AARS2: variants seen among roughly 807,000 people sequenced by gnomAD.
AARS2 encodes the protein alanine--tRNA ligase, mitochondrial.
AARS2 carries 78 observed loss-of-function variants against 119.7 expected under a neutral mutation model. That is an observed-to-expected ratio of 0.65 (90% CI 0.54 to 0.79). The LOEUF (loss-of-function observed/expected upper bound fraction) is 0.79, where lower values mean the gene tolerates loss of function less well. Among genes scored for constraint, AARS2 ranks in the 30% least tolerant of loss-of-function variants. The pLI, the probability that AARS2 is intolerant of heterozygous loss-of-function variation, is 0.00. For synonymous variants in AARS2, 502 were observed against 526.3 expected (o/e 0.95, Z 0.63); for missense variants, 1,157 against 1,291.3 (o/e 0.90, Z 1.59).
intron 19 of AARS2, 44 bp from the exon 20 acceptor site, chr6:44,301,508 A>G (rs1234309596): frequency 6.4e-7 from 1 of 1,567,406 alleles, no homozygotes; most frequent in East Asian, 2.2e-5. Flanking sequence ...GCTGAGAGGC[A>G]GGTTTCCAAT....
In AARS2 at chr6:44,304,200, C is replaced by T. The variant is rs770129224; in HGVS notation, c.1988G>A (p.Arg663His). The change falls in exon 14 of 22, where the codon CGC becomes CAC. Residue 663 changes from arginine (R) to histidine (H), a missense_variant. Coordinates refer to ENST00000244571, the MANE Select transcript of AARS2 (RefSeq NM_020745.4). ...QGSHLNPEQL[R>H]LDVTTQTPLT... ...GCTCACCTGGGTGGTCACATCCAAG[C>T]GCAGCTGCTCAGGATTGAGATGGGA... The T allele has an allele frequency of 1.1e-5, 17 of 1,613,720 alleles. No individual in the cohort carries two copies. The highest frequency in any genetic ancestry group is 8.0e-5 in the African/African-American group (6 of 74,920).
chr6:44,302,574 A>G (rs1435340903), intron 17 of AARS2, 61 bp from the exon 18 acceptor site: 2 of 1,609,562 alleles, frequency 1.2e-6, no homozygotes, highest in East Asian at 2.2e-5. Flanking sequence ...AGGCCTCTCA[A>G]CTCATTACTG....
Position 44,302,378 on chromosome 6 carries a change from G to C in AARS2, c.2487+13C>G. The C allele has an allele frequency of 6.2e-7, 1 of 1,614,060 alleles. No individual in the cohort carries two copies. Among genetic ancestry groups the C allele is most frequent in the Non-Finnish European group, 8.5e-7 (1 of 1,180,028 alleles). ...GGGCTAGGAGAGGGTGGGGTGGTAGGCGTGGCCCTCACTTCAATGAGTCGT... is the reference window on the plus strand; with the variant it reads ...GGGCTAGGAGAGGGTGGGGTGGTAGCCGTGGCCCTCACTTCAATGAGTCGT... On this transcript the variant is annotated intron_variant, in intron 18 of 21. Transcript: ENST00000244571.
At position 44,305,042 on chromosome 6, in the gene AARS2, C is replaced by G. The variant is rs1381441137; in HGVS notation, c.1579+12G>C. 6.2e-7 allele frequency: 1 copy of G among 1,613,980 alleles called. No individual in the cohort carries two copies. The highest frequency in any genetic ancestry group is 8.5e-7 in the Non-Finnish European group (1 of 1,180,032). On this transcript the variant is annotated intron_variant, in intron 11 of 21. Coordinates refer to ENST00000244571, the MANE Select transcript of AARS2 (RefSeq NM_020745.4). The surrounding 1 kb of genome is among the most constrained non-coding windows in gnomAD (Gnocchi z 4.6). ...CAAGCTTGTGGCGGCAGGCCTTGGT[C>G]CAGGCTCTCACCATAACTTCCGCTG...
intron 14 of AARS2, 124 bp from the exon 15 acceptor site, chr6:44,303,547 A>C: frequency 2.8e-6 from 4 of 1,405,996 alleles, no homozygotes; most frequent in Admixed American, 1.7e-5. Context: ...TGGCTAGCAC[A>C]TAATAGGTGC....
In AARS2 at chr6:44,311,038, G is replaced by C. The variant is rs1358890634; in HGVS notation, c.705C>G (p.Pro235=). 3 of 1,613,876 alleles carry C rather than the reference G, an allele frequency of 1.9e-6. No homozygotes were observed. Among genetic ancestry groups the C allele is most frequent in the Non-Finnish European group, 1.7e-6 (2 of 1,180,038 alleles). ...CCAGGTTCCAAAGCTCTACCAGCTGGGGGGCTCCCACCCCACCAGCAAGGT... is the reference window on the plus strand; with the variant it reads ...CCAGGTTCCAAAGCTCTACCAGCTGCGGGGCTCCCACCCCACCAGCAAGGT... ...HYDLAGGVGA[P]QLVELWNLVF... is the part of the protein sequence containing the mutation. Residue 235 remains proline, a synonymous_variant, in exon 4 of 22, where the codon CCC becomes CCG. Transcript: ENST00000244571.
At chr6:44,311,954 G>A (rs1206289926) in intron 2 of AARS2, 118 bp downstream of exon 2, 10 of 1,246,292 alleles carry the variant, frequency 8.0e-6, no homozygotes, top group Middle Eastern at 3.7e-4. Flanking sequence ...CTGTTACACC[G>A]GCTCAACTAG....
intron 19 of AARS2, 67 bp from the exon 20 acceptor site, chr6:44,301,531 C>G: frequency 7.0e-7 from 1 of 1,426,996 alleles, no homozygotes; most frequent in Non-Finnish European, 9.8e-7. Context: ...GCCCCAACTT[C>G]TGAACTAAGC....
intron 7 of AARS2, 111 bp from the exon 8 acceptor site, chr6:44,306,643 G>C (rs1468524421): frequency 2.4e-5 from 32 of 1,314,968 alleles, no homozygotes; most frequent in Non-Finnish European, 3.4e-5. Flanking sequence ...GACACATTGA[G>C]GGGCTGGGAG....
At position 44,304,161 on chromosome 6, in the gene AARS2, TC is replaced by T. The variant is rs757300165; in HGVS notation, c.2007+19del. ...TGCCTGTCACCTCACATGAAGCCTGTCTTTCTATGCCGGGCTCACCTGGGTG... is the reference window on the plus strand; with the variant it reads ...TGCCTGTCACCTCACATGAAGCCTGTTTTCTATGCCGGGCTCACCTGGGTG... On this transcript the variant is annotated intron_variant, in intron 14 of 21. Transcript: ENST00000244571. 6.2e-7 allele frequency: 1 copy of T among 1,612,582 alleles called. No homozygotes were observed. Among genetic ancestry groups the T allele is most frequent in the Admixed American group, 1.7e-5 (1 of 60,032 alleles).
chr6:44,313,004 T>G (rs780827298), intron 1 of AARS2, 77 bp downstream of exon 1: 20 of 1,594,622 alleles, frequency 1.3e-5, no homozygotes, highest in Admixed American at 1.7e-5. Flanking sequence ...TCTCGCTTCT[T>G]TTGCCCAATC....
In AARS2 at chr6:44,305,331, G is replaced by C. The variant is rs932555323; in HGVS notation, c.1435-133C>G. ...AGCCCTTCTGGAATAAGAACTCAGG[G>C]CTTGGCTGGCTGCTAGAGCCCCTGA... On this transcript the variant is annotated intron_variant, in intron 10 of 21. Coordinates refer to ENST00000244571, the MANE Select transcript of AARS2 (RefSeq NM_020745.4). The surrounding 1 kb of genome is among the most constrained non-coding windows in gnomAD (Gnocchi z 4.6). 8 of 1,404,690 alleles carry C rather than the reference G, an allele frequency of 5.7e-6. No individual in the cohort carries two copies. Among genetic ancestry groups the C allele is most frequent in the Non-Finnish European group, 7.9e-6 (8 of 1,018,512 alleles). The allele number at this position is 1,404,690 out of a possible 1,614,324, so 87.0% of individuals were successfully genotyped here. A position where few individuals can be genotyped will look rare whatever the true frequency, so the allele number is the denominator to read the frequency against.
chr6:44,302,663 A>C, intron 17 of AARS2, 139 bp downstream of exon 17: 2 of 1,472,426 alleles, frequency 1.4e-6, no homozygotes, highest in Non-Finnish European at 1.9e-6. Context: ...GCCAGCTGCC[A>C]ATAGCTGATA....
chr6:44,302,393 C>G lies in AARS2; in HGVS notation c.2485G>C (p.Glu829Gln). The change falls in exon 18 of 22, where the codon GAA (glutamate) becomes CAA (glutamine). Residue 829 changes from glutamate to glutamine, a missense_variant and splice_region_variant. Transcript: ENST00000244571. ...RLSKDIGRLI[E>Q]AVETAVMPQW... ...GGGGTGGTAGGCGTGGCCCTCACTTCAATGAGTCGTCCTATGTCCTTGGAC... is the reference window on the plus strand; with the variant it reads ...GGGGTGGTAGGCGTGGCCCTCACTTGAATGAGTCGTCCTATGTCCTTGGAC... The G allele has an allele frequency of 6.2e-7, 1 of 1,614,152 alleles. No individual in the cohort carries two copies.
At chr6:44,310,577 C>T in intron 4 of AARS2, 134 bp from the exon 5 acceptor site, 1 of 1,164,752 alleles carries the variant, frequency 8.6e-7, no homozygotes, top group Non-Finnish European at 1.2e-6. Flanking sequence ...TCAGTATCTT[C>T]CCCTGCCACC....
In AARS2 at chr6:44,311,369, A is replaced by G. The variant is rs374725659; in HGVS notation, c.581+21T>C. The G allele has an allele frequency of 1.1e-5, 17 of 1,614,038 alleles. 1 individual carries two copies. Among genetic ancestry groups the G allele is most frequent in the Non-Finnish European group, 1.4e-5 (17 of 1,180,040 alleles). The stretch of plus-strand genomic sequence containing the variant: ...GTCCTCCTGACCTCCAGGAATGAAC[A>G]TAAGAAGGGGGCTGACTTACCCTAA... On this transcript the variant is annotated intron_variant, in intron 3 of 21. Coordinates refer to ENST00000244571, the MANE Select transcript of AARS2 (RefSeq NM_020745.4).
chr6:44,311,509 T>C lies in AARS2; in HGVS notation c.462A>G (p.Glu154=), dbSNP rs529957026. ...FKEEACNMAW[E]LLTQVYGIPE... is the part of the protein sequence containing the mutation. ...GGATCCCATAGACCTGAGTCAGCAG[T>C]TCCCAGGCCATGTTACAAGCCTCCT... is the stretch of plus-strand genomic sequence containing the variant. Residue 154 remains glutamate (E), a synonymous_variant, in exon 3 of 22, where the codon GAA becomes GAG. Coordinates refer to ENST00000244571, the MANE Select transcript of AARS2 (RefSeq NM_020745.4). 22 of 1,614,004 alleles carry C rather than the reference T, an allele frequency of 1.4e-5. 2 individuals carry two copies. The South Asian group carries it at 2.4e-4, about 18-fold the overall frequency.
At chr6:44,303,005 G>A in intron 16 of AARS2, 61 bp downstream of exon 16, 1 of 1,607,494 alleles carries the variant, frequency 6.2e-7, no homozygotes, top group Non-Finnish European at 8.5e-7. Flanking sequence ...TGGCTCCAAA[G>A]ACCAAGGGAA....
chr6:44,312,396 TG>T (rs976850103), intron 1 of AARS2, 133 bp from the exon 2 acceptor site: 11 of 913,868 alleles, frequency 1.2e-5, no homozygotes, highest in Non-Finnish European at 1.6e-5. Flanking sequence ...AGTGTAATCT[TG>T]GTCTATGAGG....
Sources: allele counts gnomAD v4.1 joint callset, GRCh38; gene constraint gnomAD v4.1.1; non-coding constraint Gnocchi (gnomAD v3.1); transcripts MANE v1.5; gene names NCBI Gene and HGNC (gene_info 2026-07-23, HGNC 2026-07-21).